WARS2: variants seen among roughly 807,000 people sequenced by gnomAD.
WARS2 encodes tryptophan--tRNA ligase, mitochondrial.
Under a neutral mutation model 36.5 loss-of-function variants are expected in WARS2, and 28 were observed. The observed-to-expected ratio is 0.77, with a 90% CI of 0.57 to 1.05. The LOEUF (loss-of-function observed/expected upper bound fraction) is 1.05, where lower values mean the gene tolerates loss of function less well. Ranked by LOEUF, WARS2 falls within the 50% of genes least tolerant of loss-of-function variation. The probability of loss-of-function intolerance (pLI) is 0.00; values close to 1 mark genes in which losing one functional copy is unlikely to be tolerated. For missense variants in WARS2, 435 were observed against 456.8 expected (o/e 0.95, Z 0.44); for synonymous variants, 174 against 178.4 (o/e 0.98, Z 0.20).
Position 119,101,859 on chromosome 1 carries a change from T to A in WARS2, c.91-25252A>T, listed in dbSNP as rs375968921. Among the ~76,000 whole-genome samples, 11 of 152,178 alleles carry A rather than the reference T, an allele frequency of 7.2e-5. No homozygotes were observed. The East Asian group carries it at 1.9e-3, about 27-fold the overall frequency. Reference sequence around the variant, plus strand: ...AACAATGTGTGCTAGTTCTAACAACTCCTCCTTTTCATCCAGCACTGCCAA... The same window carrying A: ...AACAATGTGTGCTAGTTCTAACAACACCTCCTTTTCATCCAGCACTGCCAA... On this transcript the variant is annotated intron_variant, in intron 1 of 5. Coordinates refer to ENST00000235521, the MANE Select transcript of WARS2 (RefSeq NM_015836.4).
chr1:119,112,526 C>G (rs1467812528), intron 1 of WARS2, among the ~76,000 whole-genome samples: 1 of 152,174 alleles, frequency 6.6e-6, no homozygotes, highest in African/African-American at 2.4e-5. Flanking sequence ...AAGGACTGAG[C>G]AACCAATGTT....
In WARS2 at chr1:119,032,574, C is replaced by A; in HGVS notation, c.*337G>T. The A allele has an allele frequency of 3.3e-6, 1 of 299,158 alleles. No individual in the cohort carries two copies. The highest frequency in any genetic ancestry group is 6.2e-6 in the Non-Finnish European group (1 of 160,490). 18.5% of individuals were successfully genotyped at this position (299,158 alleles called of 1,614,324 possible). A position where few individuals can be genotyped will look rare whatever the true frequency, so the allele number is the denominator to read the frequency against. ...TGTGCATCTGTTACAGTAAGTACTC[C>A]AGAGAGAAGCACAAATGATACTCCA... On this transcript the variant is annotated 3_prime_UTR_variant, in exon 6 of 6. Transcript: ENST00000235521.
At chr1:119,127,971 T>A (rs984853496) in intron 1 of WARS2, among the ~76,000 whole-genome samples, 2 of 152,170 alleles carry the variant, frequency 1.3e-5, no homozygotes, top group African/African-American at 4.8e-5. Flanking sequence ...TTTTCTCACC[T>A]CTTCTCTCAT....
intron 1 of WARS2, among the ~76,000 whole-genome samples, chr1:119,094,434 G>A (rs1653271994): frequency 6.6e-6 from 1 of 151,516 alleles, no homozygotes; most frequent in South Asian, 2.1e-4. Context: ...CAGCCCAAAC[G>A]GTTTTGAGAT....
At chr1:119,085,886 G>A (rs1048141265) in intron 1 of WARS2, 16 of 1,610,442 alleles carry the variant, frequency 9.9e-6, no homozygotes, top group East Asian at 2.2e-5. Flanking sequence ...ACACCTTATC[G>A]GCCACCCCAA....
chr1:119,123,041 A>G (rs1024189585), intron 1 of WARS2, among the ~76,000 whole-genome samples: 1 of 152,178 alleles, frequency 6.6e-6, no homozygotes, highest in African/African-American at 2.4e-5. Context: ...GCATATACGC[A>G]TTTTTCAAGA....
intron 2 of WARS2, among the ~76,000 whole-genome samples, chr1:119,060,962 GC>G (rs2101212658): frequency 6.6e-6 from 1 of 152,156 alleles, no homozygotes; most frequent in African/African-American, 2.4e-5. Flanking sequence ...CATGCACGGG[GC>G]CACCTCCAAG....
chr1:119,033,222 A>G lies in WARS2; in HGVS notation c.772T>C (p.Phe258Leu), dbSNP rs1647592340. 6.2e-7 allele frequency: 1 copy of G among 1,614,118 alleles called. No individual in the cohort carries two copies. The highest frequency in any genetic ancestry group is 1.3e-5 in the African/African-American group (1 of 74,942). ...VQKFRKAVTD[F>L]TSEVTYDPAG... ...GGGTCATAGGTGACCTCCGAGGTGA[A>G]GTCTGTCACAGCCTTGCGGAATTTC... The change falls in exon 6 of 6, where the codon TTC becomes CTC. Residue 258 changes from phenylalanine (F) to leucine (L), a missense_variant. By Grantham distance (22) the Phe-to-Leu change is conservative (BLOSUM62 0). Coordinates refer to ENST00000235521, the MANE Select transcript of WARS2 (RefSeq NM_015836.4).
chr1:119,036,902 C>T (rs1190301229), intron 4 of WARS2, among the ~76,000 whole-genome samples: 1 of 152,162 alleles, frequency 6.6e-6, no homozygotes, highest in East Asian at 1.9e-4. Context: ...CCTCCCTGTG[C>T]TCCTGCTGCT....
chr1:119,053,313 T>C (rs12727967), intron 2 of WARS2, among the ~76,000 whole-genome samples: 3 of 152,096 alleles, frequency 2.0e-5, no homozygotes, highest in East Asian at 3.9e-4. Context: ...GCAGTGGCGA[T>C]AGAGACTACG....
intron 2 of WARS2, among the ~76,000 whole-genome samples, chr1:119,046,018 C>A (rs1051333172): frequency 3.3e-5 from 5 of 152,098 alleles, no homozygotes; most frequent in African/African-American, 1.2e-4. Context: ...CTCTCTCTCT[C>A]TATCACACAC....
intron 2 of WARS2, among the ~76,000 whole-genome samples, chr1:119,066,274 G>T (rs751797925): frequency 2.6e-5 from 4 of 151,866 alleles, no homozygotes; most frequent in Non-Finnish European, 4.4e-5. Flanking sequence ...TCAGGAGATC[G>T]AGAACCATCC....
chr1:119,061,752 T>C (rs1650400590), intron 2 of WARS2, among the ~76,000 whole-genome samples: 1 of 152,078 alleles, frequency 6.6e-6, no homozygotes, highest in Non-Finnish European at 1.5e-5. Context: ...TAATGGAATC[T>C]AGTAGCCAAC....
Position 119,140,564 on chromosome 1 carries a change from G to T in WARS2, c.81C>A (p.Pro27=). ...GGCCGTCTTTGGTTACCTGGAGAGC[G>T]GGAGCAGCTGCGGATCCCTTATGAA... is the stretch of plus-strand genomic sequence containing the variant. ...RALHKGSAAA[P]ALQKDSKKRV... is the part of the protein sequence containing the mutation. The change falls in exon 1 of 6, where the codon CCC becomes CCA. Residue 27 remains proline, a synonymous_variant. Transcript: ENST00000235521. The T allele has an allele frequency of 6.2e-7, 1 of 1,613,350 alleles. No homozygotes were observed. Among genetic ancestry groups the T allele is most frequent in the African/African-American group, 1.3e-5 (1 of 75,046 alleles).
In WARS2 at chr1:119,097,799, T is replaced by C. The variant is rs12120022; in HGVS notation, c.91-21192A>G. ...ATGTCAATGAAGTAGAAATGAATACTACATGAGGCTTATAGAATGCAGGAG... is the reference window on the plus strand; with the variant it reads ...ATGTCAATGAAGTAGAAATGAATACCACATGAGGCTTATAGAATGCAGGAG... On this transcript the variant is annotated intron_variant, in intron 1 of 5. Transcript: ENST00000235521. Among the ~76,000 whole-genome samples, 1,066 of 152,288 alleles carry C rather than the reference T, an allele frequency of 7.0e-3. 4 individuals carry two copies. Among genetic ancestry groups the C allele is most frequent in the Non-Finnish European group, 9.8e-3 (667 of 68,016 alleles).
At chr1:119,102,240 T>C (rs1290925096) in intron 1 of WARS2, among the ~76,000 whole-genome samples, 3 of 152,198 alleles carry the variant, frequency 2.0e-5, no homozygotes, top group Admixed American at 1.3e-4. Flanking sequence ...TATAGTCCAG[T>C]TGTGATTGTG....
At chr1:119,083,733 A>T (rs1317771711) in intron 1 of WARS2, among the ~76,000 whole-genome samples, 1 of 152,214 alleles carries the variant, frequency 6.6e-6, no homozygotes, top group African/African-American at 2.4e-5. Context: ...AAGAATAAGG[A>T]GGCAAGTCTT....
Position 119,031,660 on chromosome 1 carries a change from T to C in WARS2, c.*1251A>G, listed in dbSNP as rs1412178129. On this transcript the variant is annotated 3_prime_UTR_variant, in exon 6 of 6. Coordinates refer to ENST00000235521, the MANE Select transcript of WARS2 (RefSeq NM_015836.4). ...GTATAAGTTAGGATTATCATTTTCA[T>C]TTTCAGGTGTCAGAAATGGAAGTGC... The C allele has an allele frequency of 6.6e-6, 1 of 152,202 alleles. No individual in the cohort carries two copies. The highest frequency in any genetic ancestry group is 6.5e-5 in the Admixed American group (1 of 15,278). 9.4% of individuals were successfully genotyped at this position (152,202 alleles called of 1,614,324 possible).
At chr1:119,125,733 C>T (rs955420372) in intron 1 of WARS2, among the ~76,000 whole-genome samples, 1 of 152,156 alleles carries the variant, frequency 6.6e-6, no homozygotes, top group Non-Finnish European at 1.5e-5. Flanking sequence ...ATCTTTCCAC[C>T]TCTTGAATAC....
Sources: allele counts gnomAD v4.1 joint callset (sites outside exome capture counted in the v4.1 genomes callset), GRCh38; gene constraint gnomAD v4.1.1; transcripts MANE v1.5; gene names NCBI Gene and HGNC (gene_info 2026-07-23, HGNC 2026-07-21).